Variants in IK observed in about 807,000 individuals in gnomAD.
IK encodes the protein protein Red.
A neutral mutation model predicts 90.9 loss-of-function variants in IK; 47 were observed. That is an observed-to-expected ratio of 0.52 (90% CI 0.41 to 0.66). The LOEUF (loss-of-function observed/expected upper bound fraction) is 0.66. Among genes scored for constraint, IK ranks in the 30% least tolerant of loss-of-function variants. IK has a pLI of 0.00. For missense variants in IK, 385 were observed against 709.3 expected, an observed-to-expected ratio of 0.54 and a Z score of 5.19; for synonymous variants, 201 against 227.5, an observed-to-expected ratio of 0.88 and a Z score of 1.05.
chr5:140,647,998 C>T lies in IK; in HGVS notation c.16+74C>T, dbSNP rs556880603. ...TTGGCGCATTATTGTAGCTTCTGAG[C>T]TTAAGCCGGGTGTGTGTGTGTGTGT... On this transcript the variant is annotated intron_variant, in intron 1 of 19. Transcript: ENST00000417647. The T allele has an allele frequency of 5.1e-6, 7 of 1,364,940 alleles. No individual in the cohort carries two copies. In the East Asian group the frequency reaches 1.6e-4, roughly 32 times the overall value. 84.6% of individuals were successfully genotyped at this position (1,364,940 alleles called of 1,614,324 possible).
chr5:140,651,330 T>C (rs1017161920), intron 2 of IK, among the ~76,000 whole-genome samples: 1 of 151,654 alleles, frequency 6.6e-6, no homozygotes, highest in African/African-American at 2.4e-5. Context: ...TCCCAGCTAC[T>C]TGTGAGGCTG....
intron 9 of IK, 98 bp from the exon 10 acceptor site, chr5:140,657,456 G>A: frequency 2.4e-6 from 2 of 827,514 alleles, no homozygotes; most frequent in East Asian, 2.5e-5. Flanking sequence ...TTCACCTACT[G>A]TATTGTAATT....
At chr5:140,650,575 T>G (rs535830764) in intron 2 of IK, among the ~76,000 whole-genome samples, 19 of 152,266 alleles carry the variant, frequency 1.2e-4, no homozygotes, top group African/African-American at 3.4e-4. Context: ...ACTGATTCTT[T>G]TCTTTTTTTT....
At position 140,659,335 on chromosome 5, in the gene IK, T is replaced by C; in HGVS notation, c.1195+2T>C. 1 of 1,613,928 alleles carries C rather than the reference T, an allele frequency of 6.2e-7. No homozygotes were observed. Among genetic ancestry groups the C allele is most frequent in the Non-Finnish European group, 8.5e-7 (1 of 1,179,854 alleles). On this transcript the variant is annotated splice_donor_variant, in intron 13 of 19. Coordinates refer to ENST00000417647, the MANE Select transcript of IK (RefSeq NM_006083.4). LOFTEE classifies it high-confidence loss of function. The stretch of plus-strand genomic sequence containing the variant: ...TCCAGCCCATGGACGTTGACAAAGG[T>C]GAGTTGTACACACAGCATCTCACAG...
In IK at chr5:140,651,776, C is replaced by T; in HGVS notation, c.146C>T (p.Ser49Phe). 6.2e-7 allele frequency: 1 copy of T among 1,611,252 alleles called. No individual in the cohort carries two copies. The highest frequency in any genetic ancestry group is 1.1e-5 in the South Asian group (1 of 91,026). Residue 49 changes from serine to phenylalanine, a missense_variant, in exon 3 of 20, where the codon TCT becomes TTT. Ser to Phe is a radical substitution (Grantham distance 155). Transcript: ENST00000417647. ...LLMTPRAAPT[S>F]APPSKSRHHE... ...ATGACCCCCAGGGCTGCACCTACCTCTGCACCACCTTCTAAGTCACGTCAC... is the reference window on the plus strand; with the variant it reads ...ATGACCCCCAGGGCTGCACCTACCTTTGCACCACCTTCTAAGTCACGTCAC...
chr5:140,662,123 C>T, intron 18 of IK, 56 bp from the exon 19 acceptor site: 1 of 1,608,018 alleles, frequency 6.2e-7, no homozygotes, highest in Non-Finnish European at 8.5e-7. Flanking sequence ...CAGCCTTGGG[C>T]CTCAGGTGAG....
chr5:140,659,132 A>G lies in IK; in HGVS notation c.1144A>G (p.Ser382Gly). The stretch of plus-strand genomic sequence containing the variant: ...GAGAGAAGAGGAAAAGAAGAGACAC[A>G]GCTACTTTGAGAAGCCAAAAGTAGA... ...REREEEKKRHSYFEKPKVDDE... is the reference protein window; with the variant it reads ...REREEEKKRHGYFEKPKVDDE... Residue 382 changes from serine (S) to glycine (G), a missense_variant, in exon 12 of 20, where the codon AGC (serine) becomes GGC (glycine). By Grantham distance (56) the Ser-to-Gly change is moderately conservative. Coordinates refer to ENST00000417647, the MANE Select transcript of IK (RefSeq NM_006083.4). 6.3e-7 allele frequency: 1 copy of G among 1,595,274 alleles called. No individual in the cohort carries two copies. Among genetic ancestry groups the G allele is most frequent in the Non-Finnish European group, 8.5e-7 (1 of 1,170,618 alleles).
chr5:140,661,667 A>G lies in IK; in HGVS notation c.1461A>G (p.Glu487=). ...PLGRWDFDTQ[E]EYSEYMNNKE... ...GCCGTTGGGACTTTGATACCCAGGA[A>G]GAATACAGCGAGTATATGAACAACA... is the stretch of plus-strand genomic sequence containing the variant. The change falls in exon 17 of 20, where the codon GAA becomes GAG. Residue 487 remains glutamate (E), a synonymous_variant. Coordinates refer to ENST00000417647, the MANE Select transcript of IK (RefSeq NM_006083.4). The surrounding 1 kb of genome is among the most constrained non-coding windows in gnomAD (Gnocchi z 4.2). 7.4e-6 allele frequency: 12 copies of G among 1,610,970 alleles called. No individual in the cohort carries two copies. The highest frequency in any genetic ancestry group is 1.7e-5 in the Admixed American group (1 of 59,552).
At chr5:140,660,288 A>ATTTTTTT in intron 15 of IK, 93 bp downstream of exon 15, 1 of 398,160 alleles carries the variant, frequency 2.5e-6, no homozygotes, top group South Asian at 2.8e-5. Context: ...TCCCAGGGCT[A>ATTTTTTT]CTTCTTTTTT....
intron 14 of IK, 100 bp downstream of exon 14, chr5:140,659,934 C>T (rs974390169): frequency 1.0e-6 from 1 of 974,212 alleles, no homozygotes; most frequent in Admixed American, 2.0e-5. Flanking sequence ...CCCTCTCCTT[C>T]CCTTTTACGC....
At chr5:140,652,032 G>C (rs898243937) in intron 3 of IK, 56 bp from the exon 4 acceptor site, 2 of 1,356,198 alleles carry the variant, frequency 1.5e-6, no homozygotes, top group African/African-American at 1.4e-5. Context: ...AGACTTCTTG[G>C]GGTTTCTGGG....
At chr5:140,651,625 A>T in intron 2 of IK, 89 bp from the exon 3 acceptor site, 1 of 697,666 alleles carries the variant, frequency 1.4e-6, no homozygotes. Context: ...TATTTCCCTG[A>T]TTTCTGTTAA....
intron 6 of IK, 102 bp downstream of exon 6, chr5:140,654,154 TAGA>T (rs1348081017): frequency 1.5e-5 from 11 of 714,686 alleles, no homozygotes; most frequent in Non-Finnish European, 2.5e-5. Flanking sequence ...TCAGACTGAG[TAGA>T]AGAAGGGCTA....
intron 3 of IK, 97 bp from the exon 4 acceptor site, chr5:140,651,991 G>C (rs547804564): frequency 4.1e-6 from 4 of 970,828 alleles, no homozygotes; most frequent in African/African-American, 3.2e-5. Flanking sequence ...ACTTTGATCA[G>C]TATTCTAGGT....
intron 15 of IK, 126 bp from the exon 16 acceptor site, chr5:140,660,632 T>C (rs1257441076): frequency 2.4e-5 from 16 of 675,522 alleles, no homozygotes; most frequent in Middle Eastern, 2.5e-4. Context: ...ACTATTTTAT[T>C]AGGCTCTAAG....
intron 8 of IK, among the ~76,000 whole-genome samples, chr5:140,655,259 C>T (rs801399): frequency 0.51 from 76,993 of 151,992 alleles, 20,102 homozygotes; most frequent in African/African-American, 0.63. Flanking sequence ...AAGTTCAAAA[C>T]TTGGAGTCAG....
chr5:140,662,257 T>G, intron 19 of IK, 44 bp downstream of exon 19: 1 of 1,614,000 alleles, frequency 6.2e-7, no homozygotes, highest in Non-Finnish European at 8.5e-7. Flanking sequence ...TGGGAATTGC[T>G]TAGTGTATTG....
intron 5 of IK, 103 bp from the exon 6 acceptor site, chr5:140,653,835 C>T (rs963052527): frequency 5.9e-6 from 4 of 676,182 alleles, no homozygotes; most frequent in South Asian, 3.6e-5. Context: ...AAACTCCTGA[C>T]CTTGTGATCT....
At chr5:140,648,000 T>A (rs1466259122) in intron 1 of IK, 76 bp downstream of exon 1, 29 of 1,331,614 alleles carry the variant, frequency 2.2e-5, no homozygotes, top group Non-Finnish European at 2.8e-5. Flanking sequence ...CTTCTGAGCT[T>A]AAGCCGGGTG....
Sources: allele counts gnomAD v4.1 joint callset (sites outside exome capture counted in the v4.1 genomes callset), GRCh38; gene constraint gnomAD v4.1.1; non-coding constraint Gnocchi (gnomAD v3.1); transcripts MANE v1.5; gene names NCBI Gene and HGNC (gene_info 2026-07-23, HGNC 2026-07-21).